Variants in MBNL2 observed in about 807,000 individuals in gnomAD.
MBNL2 encodes the protein muscleblind like splicing regulator 2, also known as muscleblind-like protein 2.
Under a neutral mutation model 41.9 loss-of-function variants are expected in MBNL2, and 17 were observed. The observed-to-expected ratio is 0.41, with a 90% CI of 0.28 to 0.61. MBNL2 has a LOEUF of 0.61. Among genes scored for constraint, MBNL2 ranks in the 20% least tolerant of loss-of-function variants. The pLI, the probability that MBNL2 is intolerant of heterozygous loss-of-function variation, is 0.35. For missense variants in MBNL2, 336 were observed against 505.6 expected (o/e 0.66, Z 3.22); for synonymous variants, 195 against 182.9 (o/e 1.07, Z -0.53).
intron 2 of MBNL2, among the ~76,000 whole-genome samples, chr13:97,320,854 G>A (rs1466827380): frequency 6.6e-6 from 1 of 152,090 alleles, no homozygotes; most frequent in Non-Finnish European, 1.5e-5. Context: ...GGCGGAGGTT[G>A]CAGTGAGCCG....
chr13:97,240,690 A>T (rs2044100065), intron 1 of MBNL2, among the ~76,000 whole-genome samples: 1 of 152,216 alleles, frequency 6.6e-6, no homozygotes, highest in Non-Finnish European at 1.5e-5. Flanking sequence ...TTACATTTGA[A>T]GGAGATGGTA....
At chr13:97,275,340 T>C (rs547980431) in intron 1 of MBNL2, among the ~76,000 whole-genome samples, 12 of 152,368 alleles carry the variant, frequency 7.9e-5, no homozygotes, top group African/African-American at 2.9e-4. Flanking sequence ...ATACACTGTT[T>C]TGGCGATTAA....
At chr13:97,190,660 A>G in the MBNL2 span, among the ~76,000 whole-genome samples, 5 of 152,220 alleles carry the variant, frequency 3.3e-5, no homozygotes, top group Admixed American at 6.5e-5. Context: ...ATAAAGTGGA[A>G]CCACCTGTCT....
chr13:97,196,703 T>C, the MBNL2 span, among the ~76,000 whole-genome samples: 2 of 152,100 alleles, frequency 1.3e-5, no homozygotes, highest in South Asian at 2.1e-4. Context: ...TGGGTGTCCA[T>C]AGGGGATCAA....
chr13:97,285,366 A>G (rs895061669), intron 2 of MBNL2, among the ~76,000 whole-genome samples: 4 of 152,196 alleles, frequency 2.6e-5, no homozygotes, highest in Admixed American at 1.3e-4. Flanking sequence ...TGAACAAATG[A>G]CTCAGCTCTC....
chr13:97,305,165 CT>C (rs1202769544), intron 2 of MBNL2, among the ~76,000 whole-genome samples: 3 of 152,196 alleles, frequency 2.0e-5, no homozygotes, highest in Non-Finnish European at 4.4e-5. Flanking sequence ...GACTTGACTT[CT>C]TATCAGGAGT....
intron 1 of MBNL2, among the ~76,000 whole-genome samples, chr13:97,260,799 T>TC (rs2048472728): frequency 6.6e-6 from 1 of 152,130 alleles, no homozygotes; most frequent in Admixed American, 6.5e-5. Flanking sequence ...CTGCCTGTGT[T>TC]CCAGCCATTC....
the MBNL2 span, among the ~76,000 whole-genome samples, chr13:97,191,340 G>C: frequency 1.3e-5 from 2 of 149,390 alleles, no homozygotes; most frequent in Non-Finnish European, 3.0e-5. Flanking sequence ...TTCAAGCTGC[G>C]AGGCAGTAAG....
At chr13:97,187,097 C>A in the MBNL2 span, among the ~76,000 whole-genome samples, 1 of 152,144 alleles carries the variant, frequency 6.6e-6, no homozygotes, top group East Asian at 1.9e-4. Flanking sequence ...GAGATCCCAC[C>A]TGATCTTTAC....
At chr13:97,191,939 C>A in the MBNL2 span, among the ~76,000 whole-genome samples, 444 of 152,304 alleles carry the variant, frequency 2.9e-3, 3 homozygotes, top group African/African-American at 0.01. Flanking sequence ...CTATACAGGA[C>A]AGTCATAATT....
intron 1 of MBNL2, among the ~76,000 whole-genome samples, chr13:97,266,982 C>G (rs1028716047): frequency 6.6e-6 from 1 of 152,146 alleles, no homozygotes; most frequent in Admixed American, 6.5e-5. Context: ...ATAGATGACC[C>G]GAAAGTAAAC....
intron 2 of MBNL2, among the ~76,000 whole-genome samples, chr13:97,284,429 A>T (rs950228093): frequency 1.3e-5 from 2 of 152,106 alleles, no homozygotes; most frequent in South Asian, 4.1e-4. Flanking sequence ...CTCCCTTCAC[A>T]TCATCTTCCT....
chr13:97,335,074 G>A (rs2153066845), intron 3 of MBNL2, among the ~76,000 whole-genome samples: 1 of 152,326 alleles, frequency 6.6e-6, no homozygotes, highest in South Asian at 2.1e-4. Context: ...AGCTGTGACA[G>A]TTCTGACCAT....
intron 2 of MBNL2, among the ~76,000 whole-genome samples, chr13:97,314,120 C>G (rs545419442): frequency 6.6e-6 from 1 of 152,248 alleles, no homozygotes; most frequent in Middle Eastern, 3.4e-3. Context: ...CCTCTCCAAT[C>G]TTAAGTTACT....
intron 2 of MBNL2, among the ~76,000 whole-genome samples, chr13:97,284,625 T>C (rs1368626725): frequency 6.6e-6 from 1 of 152,178 alleles, no homozygotes; most frequent in Non-Finnish European, 1.5e-5. Context: ...GGGAACACAA[T>C]TCAACCCATT....
At chr13:97,273,475 A>C (rs1156562089) in intron 1 of MBNL2, among the ~76,000 whole-genome samples, 3 of 152,248 alleles carry the variant, frequency 2.0e-5, no homozygotes, top group Non-Finnish European at 4.4e-5. Context: ...CTGTGAATGC[A>C]GCGTTGCCAA....
the MBNL2 span, among the ~76,000 whole-genome samples, chr13:97,191,111 C>T: frequency 6.6e-6 from 1 of 152,000 alleles, no homozygotes; most frequent in Non-Finnish European, 1.5e-5. Context: ...AAAGAGTTGT[C>T]ACCAGCACCC....
chr13:97,194,957 A>G, the MBNL2 span, among the ~76,000 whole-genome samples: 2 of 152,288 alleles, frequency 1.3e-5, no homozygotes, highest in East Asian at 3.9e-4. Context: ...TCAAAAAGTA[A>G]CCATAAAAAT....
chr13:97,217,463 T>A (rs1404897132), upstream of MBNL2, among the ~76,000 whole-genome samples: 8 of 152,042 alleles, frequency 5.3e-5, no homozygotes. Flanking sequence ...GCCGTGAGAG[T>A]CATGGTGGTC....
Sources: allele counts gnomAD v4.1 joint callset (sites outside exome capture counted in the v4.1 genomes callset), GRCh38; gene constraint gnomAD v4.1.1; transcripts MANE v1.5; gene names NCBI Gene and HGNC (gene_info 2026-07-23, HGNC 2026-07-21).